The following FAM117B variants were observed in gnomAD, a reference collection of about 807,000 sequenced individuals.
The protein encoded by FAM117B is family with sequence similarity 117 member B.
FAM117B carries 22 observed loss-of-function variants against 52.8 expected under a neutral mutation model. The observed-to-expected ratio is 0.42, with a 90% CI of 0.30 to 0.59. The LOEUF (loss-of-function observed/expected upper bound fraction) is 0.59. Among genes scored for constraint, FAM117B ranks in the 20% least tolerant of loss-of-function variants. The pLI is 0.22. For synonymous variants in FAM117B, 309 were observed against 324.1 expected (o/e 0.95, Z 0.50); for missense variants, 678 against 802.6 (o/e 0.84, Z 1.88).
Position 202,640,295 on chromosome 2 carries a change from A to ATATATATAT in FAM117B, c.601+4507_601+4508insTATATATAT, listed in dbSNP as rs1559091986. ...ACAACAACCACCACCACCACCACAA[A>ATATATATAT]ATATATATATATATATATATATATA... On this transcript the variant is annotated intron_variant, in intron 1 of 7. Transcript: ENST00000392238. Among the ~76,000 whole-genome samples, 328 of 51,296 alleles carry ATATATATAT rather than the reference A, an allele frequency of 6.4e-3. 50 individuals carry two copies. Among genetic ancestry groups the ATATATATAT allele is most frequent in the Non-Finnish European group, 8.2e-3 (240 of 29,206 alleles). 33.7% of individuals were successfully genotyped at this position (51,296 alleles called of 152,430 possible).
At chr2:202,702,306 G>A (rs1026590193) in intron 2 of FAM117B, among the ~76,000 whole-genome samples, 1 of 151,986 alleles carries the variant, frequency 6.6e-6, no homozygotes, top group African/African-American at 2.4e-5. Context: ...CAGGAGAATC[G>A]CTTGAACCCG....
intron 3 of FAM117B, 38 bp from the exon 4 acceptor site, chr2:202,726,212 A>G: frequency 1.4e-6 from 2 of 1,436,192 alleles, no homozygotes; most frequent in Non-Finnish European, 2.0e-6. Context: ...TTTCATGTAG[A>G]AAACACTCTG....
At chr2:202,697,887 G>A (rs1690736547) in intron 2 of FAM117B, among the ~76,000 whole-genome samples, 1 of 151,622 alleles carries the variant, frequency 6.6e-6, no homozygotes, top group South Asian at 2.1e-4. Flanking sequence ...TATTTTTTGA[G>A]ATAAGTTTCT....
At chr2:202,754,951 T>C (rs1391938690) in intron 4 of FAM117B, among the ~76,000 whole-genome samples, 1 of 148,092 alleles carries the variant, frequency 6.8e-6, no homozygotes, top group Non-Finnish European at 1.5e-5. Flanking sequence ...ACAGGAAGCA[T>C]GACGCTGGCA....
At chr2:202,681,907 C>T (rs1276156130) in intron 1 of FAM117B, among the ~76,000 whole-genome samples, 2 of 152,222 alleles carry the variant, frequency 1.3e-5, no homozygotes, top group East Asian at 3.8e-4. Flanking sequence ...TTTTCCAAAA[C>T]CACTCATGGC....
At chr2:202,688,815 ATCTG>A (rs1035426537) in intron 1 of FAM117B, among the ~76,000 whole-genome samples, 31 of 152,276 alleles carry the variant, frequency 2.0e-4, no homozygotes, top group Admixed American at 1.1e-3. Flanking sequence ...TCCAATTTTA[ATCTG>A]TCTGTTATCT....
At chr2:202,645,600 T>C (rs1403100615) in intron 1 of FAM117B, among the ~76,000 whole-genome samples, 1 of 150,348 alleles carries the variant, frequency 6.7e-6, no homozygotes, top group African/African-American at 2.5e-5. Context: ...CCTGTTTTTA[T>C]TTCTATCAGA....
intron 2 of FAM117B, among the ~76,000 whole-genome samples, chr2:202,718,412 T>C (rs1449849313): frequency 6.6e-6 from 1 of 152,230 alleles, no homozygotes; most frequent in Non-Finnish European, 1.5e-5. Flanking sequence ...GTTTTTATCA[T>C]GAAAGAGTGA....
chr2:202,639,077 C>T (rs1215615822), intron 1 of FAM117B, among the ~76,000 whole-genome samples: 1 of 152,290 alleles, frequency 6.6e-6, no homozygotes, highest in South Asian at 2.1e-4. Context: ...GAGGCTACCA[C>T]CAGTTTGCAG....
chr2:202,686,538 G>A (rs920852019), intron 1 of FAM117B, among the ~76,000 whole-genome samples: 15 of 152,198 alleles, frequency 9.9e-5, no homozygotes, highest in African/African-American at 3.4e-4. Flanking sequence ...GAGGCTGAGC[G>A]CGGTGGCTCA....
intron 2 of FAM117B, among the ~76,000 whole-genome samples, chr2:202,701,350 T>C (rs1316875429): frequency 6.6e-6 from 1 of 152,318 alleles, no homozygotes; most frequent in Admixed American, 6.5e-5. Context: ...TCATTGGCAA[T>C]GCAACTGGTC....
intron 1 of FAM117B, among the ~76,000 whole-genome samples, chr2:202,674,672 G>T (rs1026603615): frequency 2.0e-5 from 3 of 152,156 alleles, no homozygotes; most frequent in Non-Finnish European, 4.4e-5. Flanking sequence ...AGATCTTCCT[G>T]ACCCAGTTTC....
chr2:202,739,205 A>G (rs533789274), intron 4 of FAM117B, among the ~76,000 whole-genome samples: 1 of 152,202 alleles, frequency 6.6e-6, no homozygotes, highest in South Asian at 2.1e-4. Context: ...AACAACAACA[A>G]AAATCCCCAT....
intron 1 of FAM117B, among the ~76,000 whole-genome samples, chr2:202,654,571 T>A (rs972288094): frequency 1.3e-5 from 2 of 152,168 alleles, no homozygotes; most frequent in African/African-American, 4.8e-5. Flanking sequence ...ACACATTGTC[T>A]GATACTCTTC....
At chr2:202,733,761 C>CTG in intron 4 of FAM117B, among the ~76,000 whole-genome samples, 1 of 152,228 alleles carries the variant, frequency 6.6e-6, no homozygotes, top group East Asian at 1.9e-4. Context: ...CCATGTTTTA[C>CTG]AATCAGATTT....
intron 2 of FAM117B, among the ~76,000 whole-genome samples, chr2:202,699,461 AAAAG>A (rs1254674016): frequency 2.0e-5 from 3 of 150,540 alleles, no homozygotes; most frequent in Non-Finnish European, 3.0e-5. Context: ...AAAAAAAAAA[AAAAG>A]AAAGAAAGAA....
In FAM117B at chr2:202,724,987, G is replaced by C; in HGVS notation, c.824G>C (p.Gly275Ala). Residue 275 changes from glycine (G) to alanine (A), a missense_variant, in exon 3 of 8, where the codon GGC (glycine) becomes GCC (alanine). Physicochemically the swap from Gly to Ala is moderately conservative, Grantham distance 60 (BLOSUM62 0). Coordinates refer to ENST00000392238, the MANE Select transcript of FAM117B (RefSeq NM_173511.4). Reference sequence around the variant, plus strand: ...TCTCACAAGCGCTCAGCATCTTGGGGCAGTACAGATCAACTTAAGGAGGTC... The same window carrying C: ...TCTCACAAGCGCTCAGCATCTTGGGCCAGTACAGATCAACTTAAGGAGGTC... Reference protein sequence around the residue: ...KGSHKRSASWGSTDQLKEIAK... With the variant: ...KGSHKRSASWASTDQLKEIAK... The C allele has an allele frequency of 1.2e-6, 2 of 1,612,698 alleles. No homozygotes were observed. Among genetic ancestry groups the C allele is most frequent in the Non-Finnish European group, 1.7e-6 (2 of 1,179,116 alleles).
intron 7 of FAM117B, among the ~76,000 whole-genome samples, chr2:202,759,712 C>T (rs1245061234): frequency 6.6e-6 from 1 of 151,686 alleles, no homozygotes; most frequent in Non-Finnish European, 1.5e-5. Flanking sequence ...CGCCTACCAC[C>T]ACGCCCGGCT....
intron 4 of FAM117B, among the ~76,000 whole-genome samples, chr2:202,734,029 T>G (rs558706678): frequency 2.6e-5 from 4 of 152,366 alleles, no homozygotes; most frequent in Non-Finnish European, 5.9e-5. Flanking sequence ...CCATGAAATC[T>G]TCACAATTTA....
Sources: allele counts gnomAD v4.1 joint callset (sites outside exome capture counted in the v4.1 genomes callset), GRCh38; gene constraint gnomAD v4.1.1; transcripts MANE v1.5; gene names NCBI Gene and HGNC (gene_info 2026-07-23, HGNC 2026-07-21).